The following CDAN1 variants were observed in gnomAD, a reference collection of about 807,000 sequenced individuals.
The protein encoded by CDAN1 is codanin-1.
In CDAN1, 107 loss-of-function variants were observed where a neutral mutation model predicts 139.8. The observed-to-expected ratio is 0.77, with a 90% CI of 0.65 to 0.90. CDAN1 has a LOEUF of 0.90. Ranked by LOEUF, CDAN1 falls within the 40% of genes least tolerant of loss-of-function variation. The pLI is 0.00. For missense variants in CDAN1, 1,667 were observed against 1,575.7 expected (o/e 1.06, Z -0.98); for synonymous variants, 776 against 660.6 (o/e 1.17, Z -2.68).
chr15:42,727,580 G>GT (rs2061546221), intron 23 of CDAN1, 41 bp downstream of exon 23: 1 of 1,491,752 alleles, frequency 6.7e-7, no homozygotes, highest in Non-Finnish European at 9.0e-7. Flanking sequence ...GAGCAGGGGG[G>GT]TGGGAGCAGG....
chr15:42,730,053 C>G (rs768314079), intron 15 of CDAN1, 75 bp downstream of exon 15: 7 of 1,416,920 alleles, frequency 4.9e-6, no homozygotes, highest in Middle Eastern at 1.8e-4. Flanking sequence ...TTGCCTCATT[C>G]GCACTCAGAC....
At chr15:42,734,392 C>T (rs1270666444) in intron 6 of CDAN1, 46 bp from the exon 7 acceptor site, 21 of 1,612,632 alleles carry the variant, frequency 1.3e-5, no homozygotes, top group Non-Finnish European at 1.7e-5. Context: ...ACACAGACTG[C>T]AAGTAGGAAG....
chr15:42,726,739 A>C (rs1222037000), intron 23 of CDAN1: 3 of 414,012 alleles, frequency 7.2e-6, no homozygotes, highest in Non-Finnish European at 1.3e-5. Context: ...TGAAGCATGT[A>C]AGGAAACCGG....
Position 42,735,966 on chromosome 15 carries a change from G to T in CDAN1, c.682C>A (p.Pro228Thr), listed in dbSNP as rs1281997414. ...CAAGGGCTAGTGTCCAGGGCTGAGG[G>T]TTGGGAACTGGGGACACAGCTGATT... is the stretch of plus-strand genomic sequence containing the variant. ...PPISCVPSSQ[P>T]SALDTSPWGL... Residue 228 changes from proline (P) to threonine (T), a missense_variant, in exon 3 of 28, where the codon CCC becomes ACC. Coordinates refer to ENST00000356231, the MANE Select transcript of CDAN1 (RefSeq NM_138477.4). 3.7e-6 allele frequency: 6 copies of T among 1,614,082 alleles called. No individual in the cohort carries two copies. Among genetic ancestry groups the T allele is most frequent in the African/African-American group, 1.3e-5 (1 of 74,928 alleles).
chr15:42,735,922 T>TG lies in CDAN1; in HGVS notation c.725dup (p.Gly243ArgfsTer18). 1 of 1,614,082 alleles carries TG rather than the reference T, an allele frequency of 6.2e-7. No individual in the cohort carries two copies. The highest frequency in any genetic ancestry group is 8.5e-7 in the Non-Finnish European group (1 of 1,180,004). On this transcript the variant is annotated frameshift_variant, in exon 3 of 28. Transcript: ENST00000356231. LOFTEE classifies it high-confidence loss of function. ...GCTCCTCTTGCAGACTTCTGCACCC[T>TG]GGGGGAAGGCCAAGGCCCCAAGGGC...
Position 42,735,343 on chromosome 15 carries a change from A to C in CDAN1, c.975T>G (p.Leu325=). ...CAGTGAGGAGCTGAAAGACGAAGAA[A>C]AGCTCCAAGAAGAGGTTTGGTACCA... The part of the protein sequence containing the change: ...ENLVPNLFLE[L]FFVFQLLTAR... The change falls in exon 5 of 28, where the codon CTT becomes CTG. Residue 325 remains leucine, a synonymous_variant. Transcript: ENST00000356231. 6.2e-7 allele frequency: 1 copy of C among 1,608,632 alleles called. No individual in the cohort carries two copies. Among genetic ancestry groups the C allele is most frequent in the South Asian group, 1.1e-5 (1 of 89,816 alleles).
intron 8 of CDAN1, 82 bp from the exon 9 acceptor site, chr15:42,733,268 C>T: frequency 8.7e-7 from 1 of 1,146,658 alleles, no homozygotes; most frequent in Non-Finnish European, 1.3e-6. Flanking sequence ...ATCCGTAGCC[C>T]ACCCACCACC....
At chr15:42,730,293 G>A in intron 14 of CDAN1, 78 bp from the exon 15 acceptor site, 2 of 1,373,782 alleles carry the variant, frequency 1.5e-6, no homozygotes, top group Admixed American at 1.7e-5. Context: ...AGTGGAAACT[G>A]GCTTGCAAAA....
At chr15:42,733,331 A>T in intron 8 of CDAN1, 145 bp from the exon 9 acceptor site, 1 of 725,662 alleles carries the variant, frequency 1.4e-6, no homozygotes, top group Admixed American at 2.0e-5. Flanking sequence ...CTGGATTGCA[A>T]TGACGCGATC....
Position 42,736,638 on chromosome 15 carries a change from G to A in CDAN1, c.233C>T (p.Ala78Val). Residue 78 changes from alanine to valine, a missense_variant, in exon 2 of 28, where the codon GCC becomes GTC. Ala to Val is a moderately conservative substitution (Grantham distance 64). Around this residue, in one of 3 missense-constraint regions of CDAN1, gnomAD observed 487 missense variants for 422.2 expected, o/e 1.15. Transcript: ENST00000356231. ...GPPTPAKTPG[A>V]SAALPGRPGG... ...CGGCCTCCCTGGCAAGGCTGCCGAG[G>A]CGCCCGGGGTCTTGGCGGGGGTCGG... The A allele has an allele frequency of 6.6e-7, 1 of 1,519,574 alleles. No individual in the cohort carries two copies. Among genetic ancestry groups the A allele is most frequent in the Non-Finnish European group, 8.8e-7 (1 of 1,134,080 alleles). The allele number at this position is 1,519,574 out of a possible 1,614,324, so 94.1% of individuals were successfully genotyped here. A position where few individuals can be genotyped will look rare whatever the true frequency, so the allele number is the denominator to read the frequency against.
chr15:42,726,647 A>G (rs999010486), intron 23 of CDAN1: 1 of 583,246 alleles, frequency 1.7e-6, no homozygotes, highest in South Asian at 2.1e-5. Context: ...GCTGAGGGAC[A>G]GTAGGCTGCC....
chr15:42,736,120 C>A, intron 2 of CDAN1, 42 bp from the exon 3 acceptor site: 1 of 1,604,206 alleles, frequency 6.2e-7, no homozygotes, highest in Non-Finnish European at 8.5e-7. Context: ...TTCCTATCTT[C>A]AAACATCTCC....
At chr15:42,725,316 G>A (rs751494306) in intron 26 of CDAN1, 65 bp from the exon 27 acceptor site, 4 of 1,533,316 alleles carry the variant, frequency 2.6e-6, no homozygotes, top group Non-Finnish European at 3.6e-6. Flanking sequence ...GACAGAGATT[G>A]AGATCTCAAA....
rs904306930 is a variant in CDAN1, at chr15:42,724,306, A to C, written c.*185T>G. On this transcript the variant is annotated 3_prime_UTR_variant, in exon 28 of 28. Transcript: ENST00000356231. Reference sequence around the variant, plus strand: ...TTCTGCCATAATCCCAAATCAGGCCAACTCTCCTTCCTCTAGGATTCGCGT... The same window carrying C: ...TTCTGCCATAATCCCAAATCAGGCCCACTCTCCTTCCTCTAGGATTCGCGT... 2.0e-5 allele frequency: 15 copies of C among 742,738 alleles called. No individual in the cohort carries two copies. The highest frequency in any genetic ancestry group is 2.9e-5 in the East Asian group (1 of 34,848). The allele number at this position is 742,738 out of a possible 1,614,324, so 46.0% of individuals were successfully genotyped here. A position where few individuals can be genotyped will look rare whatever the true frequency, so the allele number is the denominator to read the frequency against.
At chr15:42,736,805 G>A (rs762874782) in intron 1 of CDAN1, 25 bp from the exon 2 acceptor site, 4 of 1,504,258 alleles carry the variant, frequency 2.7e-6, no homozygotes, top group East Asian at 5.5e-5. Flanking sequence ...CAGGTGGAGG[G>A]GCGAGAGGGT....
intron 3 of CDAN1, 22 bp from the exon 4 acceptor site, chr15:42,735,701 T>C: frequency 6.2e-7 from 1 of 1,613,370 alleles, no homozygotes; most frequent in Non-Finnish European, 8.5e-7. Context: ...AGAAATTTCA[T>C]GAGCAGTCAG....
Position 42,733,133 on chromosome 15 carries a change from C to T in CDAN1, c.1421G>A (p.Gly474Asp). ...REWEDHHEEPGWDFEKGLGSR... is the reference protein window; with the variant it reads ...REWEDHHEEPDWDFEKGLGSR... ...GCCCAAGCCCTTCTCAAAATCCCAGCCAGGCTCCTCATGGTGATCTTCCCA... is the reference window on the plus strand; with the variant it reads ...GCCCAAGCCCTTCTCAAAATCCCAGTCAGGCTCCTCATGGTGATCTTCCCA... Residue 474 changes from glycine (G) to aspartate (D), a missense_variant, in exon 9 of 28, where the codon GGC (glycine) becomes GAC (aspartate). By Grantham distance (94) the Gly-to-Asp change is moderately conservative (BLOSUM62 -1). This residue lies in a region of CDAN1 where 244 missense variants were observed against 309.4 expected (regional missense o/e 0.79). Coordinates refer to ENST00000356231, the MANE Select transcript of CDAN1 (RefSeq NM_138477.4). 1 of 1,614,100 alleles carries T rather than the reference C, an allele frequency of 6.2e-7. No homozygotes were observed. The highest frequency in any genetic ancestry group is 8.5e-7 in the Non-Finnish European group (1 of 1,180,024).
intron 21 of CDAN1, 72 bp downstream of exon 21, chr15:42,728,132 C>T: frequency 1.3e-6 from 2 of 1,592,292 alleles, no homozygotes; most frequent in Middle Eastern, 1.7e-4. Flanking sequence ...CACCCTCCCG[C>T]AGCCTCAGAC....
At chr15:42,729,150 C>T in intron 18 of CDAN1, 24 bp from the exon 19 acceptor site, 1 of 1,613,720 alleles carries the variant, frequency 6.2e-7, no homozygotes, top group Non-Finnish European at 8.5e-7. Context: ...GGAGAGGCAG[C>T]AAGGCTTCCT....
Sources: gnomAD v4.1 joint callset for allele counts on GRCh38, gnomAD v4.1.1 for gene constraint, gnomAD v4.1.1 regional missense constraint, MANE v1.5 for transcripts, NCBI Gene and HGNC (gene_info 2026-07-23, HGNC 2026-07-21) for gene names.